CNNM2: variants seen among roughly 807,000 people sequenced by gnomAD.
CNNM2 encodes metal transporter CNNM2.
In CNNM2, 12 loss-of-function variants were observed where a neutral mutation model predicts 66.9. That is an observed-to-expected ratio of 0.18 (90% CI 0.11 to 0.29). The LOEUF is 0.29. Ranked by LOEUF, CNNM2 falls within the 10% of genes least tolerant of loss-of-function variation. The pLI is 1.00. For synonymous variants in CNNM2, 557 were observed against 501.8 expected, an observed-to-expected ratio of 1.11 and a Z score of -1.47; for missense variants, 705 against 1,167.7, an observed-to-expected ratio of 0.60 and a Z score of 5.77.
chr10:103,089,138 G>C lies in CNNM2; in HGVS notation c.*11958G>C. 2 of 227,676 alleles carry C rather than the reference G, an allele frequency of 8.8e-6. No homozygotes were observed. Among genetic ancestry groups the C allele is most frequent in the Non-Finnish European group, 8.7e-6 (1 of 114,636 alleles). 14.1% of individuals were successfully genotyped at this position (227,676 alleles called of 1,614,324 possible). A position where few individuals can be genotyped will look rare whatever the true frequency, so the allele number is the denominator to read the frequency against. On this transcript the variant is annotated 3_prime_UTR_variant, in exon 8 of 8. Coordinates refer to ENST00000369878, the MANE Select transcript of CNNM2 (RefSeq NM_017649.5). ...CAGTGATAGAGAAGCAGCCTTGCCA[G>C]AGTCACTGAGGATGAATTAAAGGCT...
chr10:102,981,065 A>T (rs2063711540), intron 1 of CNNM2, among the ~76,000 whole-genome samples: 1 of 152,116 alleles, frequency 6.6e-6, no homozygotes, highest in Admixed American at 6.6e-5. Flanking sequence ...AATTCCCTTC[A>T]TCACCAGGTG....
chr10:102,979,872 C>A (rs2063692359), intron 1 of CNNM2, among the ~76,000 whole-genome samples: 1 of 152,020 alleles, frequency 6.6e-6, no homozygotes, highest in Admixed American at 6.6e-5. Flanking sequence ...AATTCCTACT[C>A]TCCAAAGTTA....
intron 4 of CNNM2, among the ~76,000 whole-genome samples, chr10:103,057,832 G>A (rs2065320689): frequency 6.6e-6 from 1 of 152,172 alleles, no homozygotes; most frequent in Admixed American, 6.5e-5. Context: ...CCTTCTCACT[G>A]TAACATAATT....
chr10:103,018,216 G>T (rs548211436), intron 1 of CNNM2, among the ~76,000 whole-genome samples: 1 of 152,252 alleles, frequency 6.6e-6, no homozygotes, highest in Admixed American at 6.5e-5. Flanking sequence ...GACCAAGAGG[G>T]TAGAGGTATG....
At position 103,086,348 on chromosome 10, in the gene CNNM2, T is replaced by C. The variant is rs1187202696; in HGVS notation, c.*9168T>C. Reference sequence around the variant, plus strand: ...GTGAGGAATTGGAGCGTTAACTGTATGGCAATAGCTAGATCATAGTTACCA... The same window carrying C: ...GTGAGGAATTGGAGCGTTAACTGTACGGCAATAGCTAGATCATAGTTACCA... On this transcript the variant is annotated 3_prime_UTR_variant, in exon 8 of 8. Coordinates refer to ENST00000369878, the MANE Select transcript of CNNM2 (RefSeq NM_017649.5). The C allele has an allele frequency of 1.3e-5, 2 of 152,234 alleles. No homozygotes were observed. The highest frequency in any genetic ancestry group is 2.4e-5 in the African/African-American group (1 of 41,452). 9.4% of individuals were successfully genotyped at this position (152,234 alleles called of 1,614,324 possible).
intron 5 of CNNM2, among the ~76,000 whole-genome samples, chr10:103,069,568 A>G (rs1160129947): frequency 6.6e-6 from 1 of 152,240 alleles, no homozygotes; most frequent in Non-Finnish European, 1.5e-5. Context: ...AGAGCTGGCC[A>G]GGCGAGTCAG....
intron 1 of CNNM2, among the ~76,000 whole-genome samples, chr10:102,961,778 A>T (rs1196726506): frequency 6.6e-6 from 1 of 152,106 alleles, no homozygotes; most frequent in Admixed American, 6.6e-5. Context: ...TTAAAAAAGG[A>T]GGCTGGGTGC....
chr10:103,029,150 G>C (rs1444356848), intron 1 of CNNM2, among the ~76,000 whole-genome samples: 1 of 151,614 alleles, frequency 6.6e-6, no homozygotes, highest in Non-Finnish European at 1.5e-5. Flanking sequence ...AGATTAATTT[G>C]AGCTATTTAG....
intron 1 of CNNM2, among the ~76,000 whole-genome samples, chr10:103,031,588 A>G (rs1468881051): frequency 6.6e-6 from 1 of 152,194 alleles, no homozygotes; most frequent in Non-Finnish European, 1.5e-5. Context: ...GGCTGGTGGA[A>G]AAACTTTCCA....
In CNNM2 at chr10:102,988,252, G is replaced by A. The variant is rs77860422; in HGVS notation, c.1622-61455G>A. 0.094 allele frequency among the ~76,000 whole-genome samples: 14,327 copies of A among 152,100 alleles called. 873 individuals carry two copies. The highest frequency in any genetic ancestry group is 0.28 in the East Asian group (1,427 of 5,160). ...GGGAGGCGGAGGTTGCAGTGAGCCG[G>A]GATTGCACCTAGTGCATTCCAGCCT... On this transcript the variant is annotated intron_variant, in intron 1 of 7. Transcript: ENST00000369878.
rs201410790 is a variant in CNNM2 at position 103,006,264 on chromosome 10, T to A, written c.1622-43443T>A. 9.2e-5 allele frequency among the ~76,000 whole-genome samples: 14 copies of A among 152,004 alleles called. No homozygotes were observed. The East Asian group carries it at 2.1e-3, about 23-fold the overall frequency. ...CTTTGTCATCCAGGCTGGAGCACAG[T>A]GTCTGGATCTTGGCTCACTGCAACC... On this transcript the variant is annotated intron_variant, in intron 1 of 7. Transcript: ENST00000369878.
chr10:103,030,640 G>A (rs1409095229), intron 1 of CNNM2, among the ~76,000 whole-genome samples: 12 of 152,204 alleles, frequency 7.9e-5, no homozygotes, highest in East Asian at 5.8e-4. Flanking sequence ...CCTGGGAGGC[G>A]GAGGCTGCAG....
At chr10:103,026,752 T>C (rs530166369) in intron 1 of CNNM2, among the ~76,000 whole-genome samples, 13 of 152,204 alleles carry the variant, frequency 8.5e-5, no homozygotes, top group African/African-American at 3.1e-4. Flanking sequence ...CCTCAGTCAG[T>C]GTGTTCTACA....
intron 1 of CNNM2, among the ~76,000 whole-genome samples, chr10:103,041,342 T>C (rs1394551819): frequency 1.3e-5 from 2 of 152,152 alleles, no homozygotes; most frequent in African/African-American, 2.4e-5. Flanking sequence ...TCATTCTTCA[T>C]TGAAAAGGAA....
At chr10:102,945,298 G>A (rs1846576201) in intron 1 of CNNM2, among the ~76,000 whole-genome samples, 1 of 152,158 alleles carries the variant, frequency 6.6e-6, no homozygotes, top group South Asian at 2.1e-4. Context: ...TTGCCCAAGA[G>A]CAACTGTGTA....
At chr10:103,037,210 C>CTA (rs2064957416) in intron 1 of CNNM2, among the ~76,000 whole-genome samples, 1 of 149,858 alleles carries the variant, frequency 6.7e-6, no homozygotes, top group Non-Finnish European at 1.5e-5. Context: ...AAGTAGACAT[C>CTA]TATATATATT....
rs11300982 is a variant in CNNM2 at position 103,032,661 on chromosome 10, C to CT, written c.1622-17025dup. ...GCCTTTCATAACAATTGATGTAGCT[C>CT]TTTTTTTTTTTTTTTTTTTTTAAAT... On this transcript the variant is annotated intron_variant, in intron 1 of 7. Transcript: ENST00000369878. 3.0e-3 allele frequency among the ~76,000 whole-genome samples: 364 copies of CT among 120,548 alleles called. 2 individuals carry two copies. Among genetic ancestry groups the CT allele is most frequent in the South Asian group, 0.01 (39 of 3,772 alleles). The allele number at this position is 120,548 out of a possible 152,430, so 79.1% of individuals were successfully genotyped here. A position where few individuals can be genotyped will look rare whatever the true frequency, so the allele number is the denominator to read the frequency against.
At chr10:103,007,622 C>T (rs1419065001) in intron 1 of CNNM2, among the ~76,000 whole-genome samples, 1 of 152,164 alleles carries the variant, frequency 6.6e-6, no homozygotes, top group African/African-American at 2.4e-5. Flanking sequence ...TTTATAGGCT[C>T]TCTGCAAGAA....
Position 102,976,425 on chromosome 10 carries a change from C to CTTTTTTTTTTTT in CNNM2, c.1621+56339_1621+56350dup, listed in dbSNP as rs1206577839. Reference sequence around the variant, plus strand: ...TTACAGTATCAGTTCCAATTCTTGCCTTTTTTTTTTTTTTTTTTTTTTTTT... The same window carrying CTTTTTTTTTTTT: ...TTACAGTATCAGTTCCAATTCTTGCCTTTTTTTTTTTTTTTTTTTTTTTTTTTTTTTTTTTTT... On this transcript the variant is annotated intron_variant, in intron 1 of 7. Transcript: ENST00000369878. 2.9e-4 allele frequency among the ~76,000 whole-genome samples: 10 copies of CTTTTTTTTTTTT among 34,720 alleles called. 2 individuals carry two copies. Among genetic ancestry groups the CTTTTTTTTTTTT allele is most frequent in the Non-Finnish European group, 5.1e-4 (10 of 19,636 alleles). The allele number at this position is 34,720 out of a possible 152,430, so 22.8% of individuals were successfully genotyped here.
Sources: gnomAD v4.1 joint callset for allele counts (sites outside exome capture counted in the v4.1 genomes callset) on GRCh38, gnomAD v4.1.1 for gene constraint, MANE v1.5 for transcripts, NCBI Gene and HGNC (gene_info 2026-07-23, HGNC 2026-07-21) for gene names.